MFSD8: variants seen among roughly 807,000 people sequenced by gnomAD.
MFSD8 encodes the protein major facilitator superfamily domain containing 8, also known as major facilitator superfamily domain-containing protein 8.
MFSD8 carries 55 observed loss-of-function variants against 66.4 expected under a neutral mutation model. The observed-to-expected ratio is 0.83, with a 90% CI of 0.67 to 1.04. The LOEUF (loss-of-function observed/expected upper bound fraction) is 1.04, where lower values mean the gene tolerates loss of function less well. Ranked by LOEUF, MFSD8 falls within the 50% of genes least tolerant of loss-of-function variation. MFSD8 has a pLI of 0.00. For synonymous variants in MFSD8, 202 were observed against 212.8 expected (o/e 0.95, Z 0.44); for missense variants, 550 against 627.6 (o/e 0.88, Z 1.32).
chr4:127,954,171 G>A (rs755579752), intron 2 of MFSD8, among the ~76,000 whole-genome samples: 16 of 152,124 alleles, frequency 1.1e-4, no homozygotes, highest in Non-Finnish European at 2.1e-4. Context: ...ATTTTGAAAA[G>A]TTTTCCTCAT....
intron 8 of MFSD8, among the ~76,000 whole-genome samples, chr4:127,931,907 G>A (rs1441034652): frequency 2.0e-5 from 3 of 152,068 alleles, no homozygotes; most frequent in Non-Finnish European, 4.4e-5. Context: ...CCAGGAGTTC[G>A]AGATCAGCCT....
chr4:127,947,751 G>C (rs911160772), intron 3 of MFSD8, among the ~76,000 whole-genome samples: 1 of 151,874 alleles, frequency 6.6e-6, no homozygotes, highest in South Asian at 2.1e-4. Flanking sequence ...GTAAAGACCT[G>C]AGGAGCCTGG....
At chr4:127,957,891 T>C (rs1743150288) in intron 1 of MFSD8, among the ~76,000 whole-genome samples, 1 of 152,186 alleles carries the variant, frequency 6.6e-6, no homozygotes, top group Non-Finnish European at 1.5e-5. Context: ...ATCAAGAGTG[T>C]TGCAATTTGT....
At position 127,938,607 on chromosome 4, in the gene MFSD8, AT is replaced by A. The variant is rs1560745063; in HGVS notation, c.754+175del. Among the ~76,000 whole-genome samples, 94 of 142,572 alleles carry A rather than the reference AT, an allele frequency of 6.6e-4. 1 individual carries two copies. Among genetic ancestry groups the A allele is most frequent in the African/African-American group, 2.4e-3 (90 of 37,942 alleles). The allele number at this position is 142,572 out of a possible 152,430, so 93.5% of individuals were successfully genotyped here. On this transcript the variant is annotated intron_variant, in intron 7 of 11. Coordinates refer to ENST00000641686, the MANE Select transcript of MFSD8 (RefSeq NM_001371596.2). ...CAAAAAAAAAAAAATAAATAAATAA[AT>A]AAATAAATAAATAAATAAATAAATA...
chr4:127,964,778 C>T (rs1401001071), intron 1 of MFSD8: 2 of 549,432 alleles, frequency 3.6e-6, no homozygotes, highest in Non-Finnish European at 6.5e-6. Context: ...GCTGTGAGGA[C>T]TGCCAGCACG....
At chr4:127,959,823 C>T (rs1377940929) in intron 1 of MFSD8, among the ~76,000 whole-genome samples, 1 of 151,946 alleles carries the variant, frequency 6.6e-6, no homozygotes, top group Non-Finnish European at 1.5e-5. Context: ...ATCTTTCTAC[C>T]TTGTTGGAGA....
chr4:127,926,074 G>A (rs1737154006), intron 9 of MFSD8, among the ~76,000 whole-genome samples: 1 of 151,832 alleles, frequency 6.6e-6, no homozygotes, highest in African/African-American at 2.4e-5. Flanking sequence ...ATCACACACA[G>A]GGGCCTATTG....
chr4:127,964,124 C>T (rs1456644729), intron 1 of MFSD8, among the ~76,000 whole-genome samples: 1 of 152,198 alleles, frequency 6.6e-6, no homozygotes, highest in Non-Finnish European at 1.5e-5. Context: ...CTGAGCTAGA[C>T]ATAAACGTTC....
intron 5 of MFSD8, among the ~76,000 whole-genome samples, chr4:127,940,532 ATATATATG>A (rs1280215649): frequency 6.9e-6 from 1 of 145,646 alleles, no homozygotes; most frequent in African/African-American, 2.6e-5. Context: ...ATATATATAT[ATATATATG>A]TGTGTGTGTG....
rs115626126 is a variant in MFSD8 at position 127,956,860 on chromosome 4, A to G, written c.154+641T>C. Among the ~76,000 whole-genome samples the G allele has an allele frequency of 3.0e-3, 456 of 152,046 alleles. 4 individuals are homozygous for G. The highest frequency in any genetic ancestry group is 0.011 in the African/African-American group (438 of 41,492). ...AAAGATGAAATACTTTTGTGAGTACATGAAAGTGTTAGGGACTCTTAGTAG... is the reference window on the plus strand; with the variant it reads ...AAAGATGAAATACTTTTGTGAGTACGTGAAAGTGTTAGGGACTCTTAGTAG... On this transcript the variant is annotated intron_variant, in intron 2 of 11. Transcript: ENST00000641686.
At chr4:127,925,729 C>T (rs908638882) in intron 9 of MFSD8, among the ~76,000 whole-genome samples, 7 of 152,130 alleles carry the variant, frequency 4.6e-5, no homozygotes, top group Non-Finnish European at 2.9e-5. Flanking sequence ...CCCAGCAATC[C>T]CATTACTGGG....
At chr4:127,951,300 G>A (rs1040447564) in intron 2 of MFSD8, among the ~76,000 whole-genome samples, 30 of 151,988 alleles carry the variant, frequency 2.0e-4, no homozygotes, top group Admixed American at 2.0e-3. Flanking sequence ...CCCGATCTCG[G>A]CTCACTGCAA....
chr4:127,963,575 T>C (rs923709975), intron 1 of MFSD8, among the ~76,000 whole-genome samples: 1 of 152,104 alleles, frequency 6.6e-6, no homozygotes, highest in Non-Finnish European at 1.5e-5. Context: ...CAGACCTTCG[T>C]GGTGAGTGTT....
rs144564758 is a variant in MFSD8 at position 127,925,995 on chromosome 4, A to C, written c.999-4032T>G. On this transcript the variant is annotated intron_variant, in intron 9 of 11. Coordinates refer to ENST00000641686, the MANE Select transcript of MFSD8 (RefSeq NM_001371596.2). ...TCAGCAAACACAGGAACAGAAAAAC[A>C]AACGCCACATGTTCTCACTCATAAG... 5.3e-5 allele frequency among the ~76,000 whole-genome samples: 8 copies of C among 152,216 alleles called. No homozygotes were observed. In the East Asian group the frequency reaches 1.6e-3, roughly 30 times the overall value.
chr4:127,952,171 C>G (rs1403175232), intron 2 of MFSD8, among the ~76,000 whole-genome samples: 1 of 149,390 alleles, frequency 6.7e-6, no homozygotes, highest in Non-Finnish European at 1.5e-5. Context: ...TTTGGGAGGC[C>G]TGGGTGGGCG....
At chr4:127,961,893 C>G (rs1007815200) in intron 1 of MFSD8, among the ~76,000 whole-genome samples, 3 of 151,078 alleles carry the variant, frequency 2.0e-5, no homozygotes, top group African/African-American at 7.3e-5. Context: ...CGCACTCAAG[C>G]TTATGCACTT....
chr4:127,962,626 C>T (rs1449287507), intron 1 of MFSD8, among the ~76,000 whole-genome samples: 1 of 146,214 alleles, frequency 6.8e-6, no homozygotes. Context: ...AACTGCACTC[C>T]AGGCTCACCA....
chr4:127,926,784 A>G (rs1334149001), intron 9 of MFSD8, among the ~76,000 whole-genome samples: 5 of 152,230 alleles, frequency 3.3e-5, no homozygotes, highest in Non-Finnish European at 7.3e-5. Flanking sequence ...TAAAGTACAT[A>G]CAGTCTCTGA....
intron 3 of MFSD8, among the ~76,000 whole-genome samples, chr4:127,946,207 G>A (rs748549633): frequency 6.6e-6 from 1 of 152,262 alleles, no homozygotes; most frequent in African/African-American, 2.4e-5. Flanking sequence ...TTACAGGCAC[G>A]TGAGTCACAG....
Sources: allele counts gnomAD v4.1 joint callset (sites outside exome capture counted in the v4.1 genomes callset), GRCh38; gene constraint gnomAD v4.1.1; transcripts MANE v1.5; gene names NCBI Gene and HGNC (gene_info 2026-07-23, HGNC 2026-07-21).